The following UTRN variants were observed in gnomAD, a reference collection of about 807,000 sequenced individuals.
UTRN encodes utrophin, also known as dystrophin-related protein 1.
A neutral mutation model predicts 463.9 loss-of-function variants in UTRN; 283 were observed. The ratio of observed to expected loss-of-function variants is 0.61; its 90% CI spans 0.55 to 0.67. The LOEUF is 0.67. Ranked by LOEUF, UTRN falls within the 30% of genes least tolerant of loss-of-function variation. UTRN has a pLI of 0.00. For missense variants in UTRN, 3,922 were observed against 4,084.3 expected, an observed-to-expected ratio of 0.96 and a Z score of 1.08; for synonymous variants, 1,442 against 1,431.5, an observed-to-expected ratio of 1.01 and a Z score of -0.17.
At chr6:144,523,265 ACT>A (rs1333588027) in intron 41 of UTRN, 77 bp downstream of exon 41, 2 of 1,147,728 alleles carry the variant, frequency 1.7e-6, no homozygotes, top group Non-Finnish European at 2.4e-6. Flanking sequence ...TCATGTGGAC[ACT>A]GAGATTAATG....
intron 3 of UTRN, among the ~76,000 whole-genome samples, chr6:144,415,281 C>T (rs1466830856): frequency 1.3e-5 from 2 of 152,156 alleles, no homozygotes; most frequent in Non-Finnish European, 2.9e-5. Context: ...TTAAGTGACT[C>T]ATGACTGTAT....
chr6:144,310,916 A>AGATC (rs1806208596), intron 2 of UTRN, among the ~76,000 whole-genome samples: 1 of 152,206 alleles, frequency 6.6e-6, no homozygotes, highest in African/African-American at 2.4e-5. Flanking sequence ...TGCTCACGAC[A>AGATC]GATCGATCAC....
At chr6:144,761,518 G>A (rs1204665531) in intron 58 of UTRN, among the ~76,000 whole-genome samples, 1 of 151,906 alleles carries the variant, frequency 6.6e-6, no homozygotes, top group Non-Finnish European at 1.5e-5. Context: ...ATGGTAACAT[G>A]CGCCTATAGT....
Position 144,820,966 on chromosome 6 carries a change from C to G in UTRN, c.9442C>G (p.Arg3148Gly), listed in dbSNP as rs1438100727. ...RSKKYFAKHP[R>G]LGYLPVQTVL... ...GAAGAAGTACTTTGCCAAACACCCTCGACTTGGTTACCTGCCTGTCCAGAC... is the reference window on the plus strand; with the variant it reads ...GAAGAAGTACTTTGCCAAACACCCTGGACTTGGTTACCTGCCTGTCCAGAC... Residue 3148 changes from arginine to glycine, a missense_variant, in exon 66 of 75, where the codon CGA becomes GGA. By Grantham distance (125) the Arg-to-Gly change is moderately radical. Around this residue, in one of 3 missense-constraint regions of UTRN, gnomAD observed 1,309 missense variants for 1,452.6 expected, o/e 0.90. Coordinates refer to ENST00000367545, the MANE Select transcript of UTRN (RefSeq NM_007124.3). The G allele has an allele frequency of 3.7e-6, 6 of 1,613,782 alleles. No homozygotes were observed.
intron 9 of UTRN, among the ~76,000 whole-genome samples, chr6:144,433,974 T>C (rs1345275352): frequency 6.6e-6 from 1 of 152,170 alleles, no homozygotes; most frequent in African/African-American, 2.4e-5. Flanking sequence ...CTCGGCACTT[T>C]GGGAGGCCAA....
At chr6:144,344,186 CT>C (rs1258449458) in intron 2 of UTRN, 1 of 1,302,476 alleles carries the variant, frequency 7.7e-7, no homozygotes, top group Admixed American at 2.3e-5. Flanking sequence ...CATCTTTTTC[CT>C]CATCATCTAA....
intron 2 of UTRN, among the ~76,000 whole-genome samples, chr6:144,372,405 A>G (rs1045583942): frequency 6.6e-6 from 1 of 152,268 alleles, no homozygotes; most frequent in Non-Finnish European, 1.5e-5. Flanking sequence ...TGCAAGTGAA[A>G]GACAGTCCAG....
At chr6:144,837,836 CT>C (rs1206711698) in intron 71 of UTRN, among the ~76,000 whole-genome samples, 5 of 152,154 alleles carry the variant, frequency 3.3e-5, no homozygotes, top group African/African-American at 1.2e-4. Flanking sequence ...TTGGGTGAGG[CT>C]GTTCAATGGA....
chr6:144,295,827 A>T (rs1032029458), intron 2 of UTRN, among the ~76,000 whole-genome samples: 1 of 152,182 alleles, frequency 6.6e-6, no homozygotes, highest in African/African-American at 2.4e-5. Context: ...GATAAATGTG[A>T]GCCATACTGA....
chr6:144,612,843 A>G (rs996547772), intron 51 of UTRN, among the ~76,000 whole-genome samples: 2 of 152,080 alleles, frequency 1.3e-5, no homozygotes, highest in African/African-American at 4.8e-5. Flanking sequence ...AAGTAATCCC[A>G]CTTCTGGGTC....
At chr6:144,312,700 G>C (rs1038430249) in intron 2 of UTRN, among the ~76,000 whole-genome samples, 7 of 152,000 alleles carry the variant, frequency 4.6e-5, no homozygotes, top group South Asian at 2.1e-4. Context: ...AATTCTTTTA[G>C]TTTTTCTCTT....
chr6:144,373,210 T>C (rs1251920297), intron 2 of UTRN, among the ~76,000 whole-genome samples: 1 of 152,156 alleles, frequency 6.6e-6, no homozygotes, highest in Non-Finnish European at 1.5e-5. Context: ...CACAAAAACT[T>C]GTACATGGAT....
At chr6:144,562,476 T>C (rs1355859769) in intron 50 of UTRN, among the ~76,000 whole-genome samples, 1 of 152,150 alleles carries the variant, frequency 6.6e-6, no homozygotes, top group Non-Finnish European at 1.5e-5. Context: ...GTTCCTGCAT[T>C]AGTTTGCGGT....
At chr6:144,382,013 A>G (rs1780976696) in intron 2 of UTRN, among the ~76,000 whole-genome samples, 1 of 152,128 alleles carries the variant, frequency 6.6e-6, no homozygotes, top group Admixed American at 6.6e-5. Flanking sequence ...CCTCGCTAGC[A>G]TCTTTTATTT....
At chr6:144,609,932 C>T (rs981714771) in intron 51 of UTRN, among the ~76,000 whole-genome samples, 1 of 151,546 alleles carries the variant, frequency 6.6e-6, no homozygotes, top group Non-Finnish European at 1.5e-5. Flanking sequence ...GCAAAATTAG[C>T]AGAAAGGGGG....
intron 50 of UTRN, among the ~76,000 whole-genome samples, chr6:144,563,400 C>G (rs1488244452): frequency 6.6e-6 from 1 of 152,028 alleles, no homozygotes; most frequent in Non-Finnish European, 1.5e-5. Context: ...TTGGTCAATT[C>G]CTTTTAACAG....
rs145433559 is a variant in UTRN, at chr6:144,726,026, C to T, written c.7810-4331C>T. On this transcript the variant is annotated intron_variant, in intron 53 of 74. Transcript: ENST00000367545. ...CCAGCACCCTGCGCAGAGAGGATTT[C>T]TTTTTCTTTTTTTTTTGTTTTCTGA... Among the ~76,000 whole-genome samples, 376 of 151,976 alleles carry T rather than the reference C, an allele frequency of 2.5e-3. 4 individuals are homozygous for T. Among genetic ancestry groups the T allele is most frequent in the African/African-American group, 8.6e-3 (357 of 41,460 alleles).
At chr6:144,727,567 G>T (rs570596751) in intron 53 of UTRN, among the ~76,000 whole-genome samples, 16 of 152,014 alleles carry the variant, frequency 1.1e-4, no homozygotes, top group Admixed American at 4.6e-4. Flanking sequence ...GACCATCCTG[G>T]CTAACACAGT....
intron 34 of UTRN, among the ~76,000 whole-genome samples, chr6:144,507,045 T>C (rs1291570319): frequency 6.6e-6 from 1 of 152,052 alleles, no homozygotes; most frequent in Non-Finnish European, 1.5e-5. Context: ...TTTCTTCCGC[T>C]TGATCGATTC....
Sources: gnomAD v4.1 joint callset for allele counts (sites outside exome capture counted in the v4.1 genomes callset) on GRCh38, gnomAD v4.1.1 for gene constraint, gnomAD v4.1.1 regional missense constraint, MANE v1.5 for transcripts, NCBI Gene and HGNC (gene_info 2026-07-23, HGNC 2026-07-21) for gene names.